Variants in HTR3B observed in about 807,000 individuals in gnomAD.
The protein encoded by HTR3B is 5-hydroxytryptamine receptor 3B.
Under a neutral mutation model 42.8 loss-of-function variants are expected in HTR3B, and 44 were observed. The observed-to-expected ratio is 1.03, with a 90% CI of 0.81 to 1.32. HTR3B has a LOEUF of 1.32. Among genes scored for constraint, HTR3B ranks in the 40% most tolerant of loss-of-function variants. The probability of loss-of-function intolerance (pLI) is 0.00; values close to 1 mark genes in which losing one functional copy is unlikely to be tolerated. For missense variants in HTR3B, 527 were observed against 536.5 expected (o/e 0.98, Z 0.17); for synonymous variants, 203 against 209.0 (o/e 0.97, Z 0.25).
At position 113,945,386 on chromosome 11, in the gene HTR3B, C is replaced by T. The variant is rs536733492; in HGVS notation, c.1091-516C>T. On this transcript the variant is annotated intron_variant, in intron 8 of 8. Coordinates refer to ENST00000260191, the MANE Select transcript of HTR3B (RefSeq NM_006028.5). ...CTGACCTCAGGTGATCCACCCACCTCGGCCTCCCAGAGTGCTGGGATTACA... is the reference window on the plus strand; with the variant it reads ...CTGACCTCAGGTGATCCACCCACCTTGGCCTCCCAGAGTGCTGGGATTACA... 6.6e-5 allele frequency among the ~76,000 whole-genome samples: 10 copies of T among 152,272 alleles called. No individual in the cohort carries two copies. The South Asian group carries it at 1.0e-3, about 16-fold the overall frequency.
intron 6 of HTR3B, among the ~76,000 whole-genome samples, chr11:113,941,342 T>C (rs987349759): frequency 3.9e-5 from 6 of 152,106 alleles, no homozygotes; most frequent in Non-Finnish European, 5.9e-5. Context: ...GTCCAGGCCG[T>C]AGTGGGGAAG....
At chr11:113,903,139 G>A (rs1225482209), upstream of HTR3B, among the ~76,000 whole-genome samples, 1 of 152,122 alleles carries the variant, frequency 6.6e-6, no homozygotes, top group Non-Finnish European at 1.5e-5. Context: ...CCAAAGTACT[G>A]GGATTACAGG....
chr11:113,926,484 TTTCC>T (rs751285997), intron 2 of HTR3B, among the ~76,000 whole-genome samples: 2,938 of 137,200 alleles, frequency 0.021, 42 homozygotes, highest in Non-Finnish European at 0.033. Context: ...TTTCCTTTCC[TTTCC>T]TTTCCTTTCC....
chr11:113,909,214 C>T (rs374373982), intron 1 of HTR3B, 81 bp from the exon 2 acceptor site: 13 of 1,082,840 alleles, frequency 1.2e-5, no homozygotes, highest in Admixed American at 1.8e-5. Context: ...TAAAAGCCAC[C>T]GAGTCCTGAA....
At chr11:113,931,539 C>A in intron 3 of HTR3B, 111 bp downstream of exon 3, 2 of 746,524 alleles carry the variant, frequency 2.7e-6, no homozygotes, top group Non-Finnish European at 4.4e-6. Context: ...TTTCTTAGAT[C>A]TGCAGCAGAC....
intron 2 of HTR3B, among the ~76,000 whole-genome samples, chr11:113,921,632 A>C (rs2137505292): frequency 6.6e-6 from 1 of 152,210 alleles, no homozygotes; most frequent in East Asian, 1.9e-4. Context: ...AAAAAAAAAA[A>C]ATTGCTCAGG....
chr11:113,933,128 T>C (rs567657435), intron 6 of HTR3B, 35 bp downstream of exon 6: 2 of 1,597,824 alleles, frequency 1.3e-6, no homozygotes, highest in African/African-American at 1.3e-5. Flanking sequence ...GTTGCCCGCT[T>C]CTCCCCAGCC....
In HTR3B at chr11:113,946,219, G is replaced by C. The variant is rs959828334; in HGVS notation, c.*82G>C. 1.9e-6 allele frequency: 2 copies of C among 1,079,748 alleles called. No individual in the cohort carries two copies. Among genetic ancestry groups the C allele is most frequent in the Admixed American group, 1.9e-5 (1 of 53,000 alleles). The allele number at this position is 1,079,748 out of a possible 1,614,324, so 66.9% of individuals were successfully genotyped here. On this transcript the variant is annotated 3_prime_UTR_variant, in exon 9 of 9. Coordinates refer to ENST00000260191, the MANE Select transcript of HTR3B (RefSeq NM_006028.5). ...TAATAGTGGGTTAAAAAGCTTTCTG[G>C]GTCGGGTGTGGTGGTTCTTGCCTAT...
intron 6 of HTR3B, among the ~76,000 whole-genome samples, chr11:113,940,390 C>T (rs1454035592): frequency 6.6e-6 from 1 of 152,196 alleles, no homozygotes; most frequent in African/African-American, 2.4e-5. Flanking sequence ...GAATGGGCCA[C>T]AACATAATAC....
chr11:113,910,868 C>T (rs1311310064), intron 2 of HTR3B, among the ~76,000 whole-genome samples: 3 of 145,694 alleles, frequency 2.1e-5, no homozygotes, highest in South Asian at 2.2e-4. Flanking sequence ...CTCGCTCTGT[C>T]GCCCAGGCTG....
At chr11:113,928,069 T>C (rs1949994362) in intron 2 of HTR3B, among the ~76,000 whole-genome samples, 1 of 152,086 alleles carries the variant, frequency 6.6e-6, no homozygotes, top group African/African-American at 2.4e-5. Context: ...GTGTGTGTGG[T>C]TCCCCTCTCC....
intron 2 of HTR3B, among the ~76,000 whole-genome samples, chr11:113,913,998 C>G (rs1949826000): frequency 6.6e-6 from 1 of 152,030 alleles, no homozygotes. Flanking sequence ...TCGGATGCAG[C>G]TCCTTGAGCT....
intron 2 of HTR3B, among the ~76,000 whole-genome samples, chr11:113,914,937 G>C (rs895759131): frequency 2.6e-5 from 4 of 152,054 alleles, no homozygotes; most frequent in Admixed American, 2.6e-4. Context: ...CACATATTCA[G>C]TTTTTTCTTG....
intron 1 of HTR3B, among the ~76,000 whole-genome samples, chr11:113,906,874 A>C (rs1949738243): frequency 6.6e-6 from 1 of 152,216 alleles, no homozygotes; most frequent in Non-Finnish European, 1.5e-5. Context: ...GTGAGGACTT[A>C]GCCTGGTGCC....
chr11:113,907,608 G>T (rs1949743309), intron 1 of HTR3B, among the ~76,000 whole-genome samples: 2 of 152,156 alleles, frequency 1.3e-5, no homozygotes, highest in African/African-American at 4.8e-5. Context: ...CCAAGATTTT[G>T]ACCCATTCTA....
intron 2 of HTR3B, among the ~76,000 whole-genome samples, chr11:113,918,268 CGTGTGTGTGT>C (rs60519849): frequency 2.0e-5 from 3 of 146,866 alleles, no homozygotes; most frequent in African/African-American, 7.6e-5. Context: ...TGTGTGTACT[CGTGTGTGTGT>C]GTGTGTGTGT....
chr11:113,934,667 T>A (rs1283161627), intron 6 of HTR3B, among the ~76,000 whole-genome samples: 1 of 152,048 alleles, frequency 6.6e-6, no homozygotes, highest in East Asian at 1.9e-4. Context: ...TTTGGGCTCT[T>A]GCCTAGAATC....
intron 2 of HTR3B, among the ~76,000 whole-genome samples, chr11:113,910,231 G>C (rs983305707): frequency 2.0e-5 from 3 of 152,032 alleles, no homozygotes; most frequent in Non-Finnish European, 4.4e-5. Flanking sequence ...GGATGGTGGG[G>C]AGAATTTGTT....
intron 2 of HTR3B, among the ~76,000 whole-genome samples, chr11:113,912,160 G>A (rs1398663032): frequency 1.3e-5 from 2 of 152,158 alleles, no homozygotes; most frequent in East Asian, 3.8e-4. Context: ...CATTTGGGTT[G>A]TTTCCAATTT....
Sources: allele counts gnomAD v4.1 joint callset (sites outside exome capture counted in the v4.1 genomes callset), GRCh38; gene constraint gnomAD v4.1.1; transcripts MANE v1.5; gene names NCBI Gene and HGNC (gene_info 2026-07-23, HGNC 2026-07-21).